Variants in ARSB observed in about 807,000 individuals in gnomAD.
The protein encoded by ARSB is arylsulfatase B.
Under a neutral mutation model 50.9 loss-of-function variants are expected in ARSB, and 41 were observed. The observed-to-expected ratio is 0.81, with a 90% CI of 0.63 to 1.04. The LOEUF (loss-of-function observed/expected upper bound fraction) is 1.04, where lower values mean the gene tolerates loss of function less well. Among genes scored for constraint, ARSB ranks in the 50% least tolerant of loss-of-function variants. The probability of loss-of-function intolerance (pLI) is 0.00; values close to 1 mark genes in which losing one functional copy is unlikely to be tolerated. For missense variants in ARSB, 672 were observed against 693.3 expected, an observed-to-expected ratio of 0.97 and a Z score of 0.35; for synonymous variants, 269 against 284.8, an observed-to-expected ratio of 0.94 and a Z score of 0.56.
intron 7 of ARSB, among the ~76,000 whole-genome samples, 189 bp from the exon 8 acceptor site, chr5:78,780,851 T>C (rs1748905823): frequency 6.6e-6 from 1 of 152,136 alleles, no homozygotes; most frequent in Non-Finnish European, 1.5e-5. Context: ...CATGTCTCAC[T>C]GCTTCACAAG....
chr5:78,892,694 T>G (rs1301412836), intron 4 of ARSB, among the ~76,000 whole-genome samples: 1 of 152,130 alleles, frequency 6.6e-6, no homozygotes, highest in Non-Finnish European at 1.5e-5. Context: ...TCAATTATCA[T>G]AGAAAAAAAC....
chr5:78,833,766 G>T (rs1744798555), intron 6 of ARSB, among the ~76,000 whole-genome samples: 1 of 152,236 alleles, frequency 6.6e-6, no homozygotes, highest in Admixed American at 6.5e-5. Flanking sequence ...GTCTATTGAG[G>T]AGGTCTGGGA....
chr5:78,802,102 C>T (rs987644824), intron 6 of ARSB, among the ~76,000 whole-genome samples: 1 of 152,040 alleles, frequency 6.6e-6, no homozygotes, highest in Non-Finnish European at 1.5e-5. Flanking sequence ...TTCCCTGCTG[C>T]AAAGGTCTTT....
At chr5:78,899,274 T>C (rs559668522) in intron 4 of ARSB, among the ~76,000 whole-genome samples, 20 of 152,352 alleles carry the variant, frequency 1.3e-4, no homozygotes, top group African/African-American at 4.8e-4. Context: ...AGTTTCATTT[T>C]TCTATGCCTT....
chr5:78,890,514 T>C (rs1486205344), intron 4 of ARSB, among the ~76,000 whole-genome samples: 3 of 152,152 alleles, frequency 2.0e-5, no homozygotes, highest in Non-Finnish European at 4.4e-5. Flanking sequence ...CATCCCCCCT[T>C]CTGCAGCCCA....
intron 6 of ARSB, chr5:78,815,922 T>C: frequency 1.3e-6 from 2 of 1,509,922 alleles, no homozygotes; most frequent in South Asian, 1.3e-5. Flanking sequence ...GCCCCTTCTT[T>C]CTTGGAGAAG....
chr5:78,864,426 G>C (rs756711683), intron 5 of ARSB, among the ~76,000 whole-genome samples: 1 of 152,080 alleles, frequency 6.6e-6, no homozygotes, highest in Non-Finnish European at 1.5e-5. Context: ...TCACTACCAC[G>C]AGAACAGTAT....
intron 4 of ARSB, among the ~76,000 whole-genome samples, chr5:78,942,652 T>A (rs1750995277): frequency 6.6e-6 from 1 of 152,236 alleles, no homozygotes; most frequent in Admixed American, 6.5e-5. Context: ...GAGAGACAGT[T>A]TGCTATAATT....
chr5:78,838,890 C>A (rs1351470671), intron 6 of ARSB, among the ~76,000 whole-genome samples: 1 of 152,204 alleles, frequency 6.6e-6, no homozygotes, highest in Non-Finnish European at 1.5e-5. Context: ...TTGTGACACC[C>A]AGCAGGTGTT....
intron 5 of ARSB, 54 bp from the exon 6 acceptor site, chr5:78,839,480 T>A: frequency 6.9e-7 from 1 of 1,443,744 alleles, no homozygotes; most frequent in Admixed American, 1.7e-5. Context: ...TGGGCATGAA[T>A]TATTTTAATA....
chr5:78,849,807 T>A (rs1187261859), intron 5 of ARSB, among the ~76,000 whole-genome samples: 2 of 147,044 alleles, frequency 1.4e-5, no homozygotes, highest in Admixed American at 1.4e-4. Flanking sequence ...CTAGGTATTT[T>A]ATTCTCTTTG....
chr5:78,873,522 G>A (rs1747329726), intron 5 of ARSB, among the ~76,000 whole-genome samples: 2 of 13,122 alleles, frequency 1.5e-4, no homozygotes, highest in Admixed American at 1.1e-3. Context: ...TTGAGACGGA[G>A]TCTCGCTCTG....
At chr5:78,912,974 A>G (rs10474569) in intron 4 of ARSB, among the ~76,000 whole-genome samples, 1 of 152,022 alleles carries the variant, frequency 6.6e-6, no homozygotes, top group Non-Finnish European at 1.5e-5. Flanking sequence ...AAACCCACGC[A>G]GAGCTAGGAG....
intron 3 of ARSB, among the ~76,000 whole-genome samples, chr5:78,962,523 G>GGTTTTTT (rs1752033569): frequency 1.1e-5 from 1 of 89,382 alleles, no homozygotes; most frequent in African/African-American, 5.6e-5. Flanking sequence ...ACATGTGCTC[G>GGTTTTTT]ATTTTTTTTT....
At chr5:78,916,894 T>C (rs6894968) in intron 4 of ARSB, among the ~76,000 whole-genome samples, 7,814 of 152,290 alleles carry the variant, frequency 0.051, 650 homozygotes, top group African/African-American at 0.18. Flanking sequence ...GGGAATGATA[T>C]AGTGGTGAAC....
At chr5:78,859,769 T>C (rs776903850) in intron 5 of ARSB, among the ~76,000 whole-genome samples, 19 of 151,640 alleles carry the variant, frequency 1.3e-4, no homozygotes, top group South Asian at 6.2e-4. Flanking sequence ...AGAGGCACCA[T>C]TGTGCCTCCT....
intron 6 of ARSB, chr5:78,816,083 T>C: frequency 6.2e-7 from 1 of 1,614,114 alleles, no homozygotes; most frequent in Non-Finnish European, 8.5e-7. Context: ...AAGTTGGTGG[T>C]AGCTACAACA....
intron 5 of ARSB, among the ~76,000 whole-genome samples, chr5:78,876,256 G>C (rs1213437763): frequency 1.3e-5 from 2 of 152,094 alleles, no homozygotes; most frequent in East Asian, 3.9e-4. Flanking sequence ...GTATTCAATT[G>C]CAAAAAGCTG....
At chr5:78,820,840 CT>C (rs1230667371) in intron 6 of ARSB, among the ~76,000 whole-genome samples, 1 of 152,056 alleles carries the variant, frequency 6.6e-6, no homozygotes, top group Non-Finnish European at 1.5e-5. Context: ...CAAATCTCCC[CT>C]GGGGGGCTCA....
Sources: allele counts gnomAD v4.1 joint callset (sites outside exome capture counted in the v4.1 genomes callset), GRCh38; gene constraint gnomAD v4.1.1; transcripts MANE v1.5; gene names NCBI Gene and HGNC (gene_info 2026-07-23, HGNC 2026-07-21).